MAB21L3: variants seen among roughly 807,000 people sequenced by gnomAD.
The protein encoded by MAB21L3 is mab-21 like 3.
In MAB21L3, 36 loss-of-function variants were observed where a neutral mutation model predicts 37.7. That is an observed-to-expected ratio of 0.96 (90% CI 0.73 to 1.26). The LOEUF (loss-of-function observed/expected upper bound fraction) is 1.26. Ranked by LOEUF, MAB21L3 falls within the 50% of genes most tolerant of loss-of-function variation. The pLI is 0.00. For missense variants in MAB21L3, 430 were observed against 447.3 expected (o/e 0.96, Z 0.35); for synonymous variants, 186 against 176.8 (o/e 1.05, Z -0.41).
chr1:116,133,217 A>C lies in MAB21L3; in HGVS notation c.941A>C (p.Lys314Thr), dbSNP rs752826660. Residue 314 changes from lysine to threonine, a missense_variant, in exon 8 of 8, where the codon AAA (lysine) becomes ACA (threonine). By Grantham distance (78) the Lys-to-Thr change is moderately conservative. Coordinates refer to ENST00000369500, the MANE Select transcript of MAB21L3 (RefSeq NM_152367.3). ...FSKAFLRLVRKLHKCVSQHFL... is the reference protein window; with the variant it reads ...FSKAFLRLVRTLHKCVSQHFL... ...AAAGCATTTCTGCGCCTGGTGAGGA[A>C]ACTGCACAAGTGCGTGAGCCAGCAC... 6.2e-7 allele frequency: 1 copy of C among 1,614,224 alleles called. No individual in the cohort carries two copies. The highest frequency in any genetic ancestry group is 1.1e-5 in the South Asian group (1 of 91,086).
At chr1:116,119,495 TG>T (rs1274596017) in intron 3 of MAB21L3, among the ~76,000 whole-genome samples, 25 of 152,292 alleles carry the variant, frequency 1.6e-4, no homozygotes, top group African/African-American at 6.0e-4. Flanking sequence ...CTGGCTGTCG[TG>T]ATCAGTTTAT....
At chr1:116,116,134 C>T (rs1659580799) in intron 3 of MAB21L3, among the ~76,000 whole-genome samples, 1 of 152,170 alleles carries the variant, frequency 6.6e-6, no homozygotes, top group African/African-American at 2.4e-5. Flanking sequence ...CTGAAATGAA[C>T]TTCTTGCTGT....
At chr1:116,117,147 A>G (rs185061467) in intron 3 of MAB21L3, among the ~76,000 whole-genome samples, 134 of 136,432 alleles carry the variant, frequency 9.8e-4, no homozygotes, top group African/African-American at 3.6e-3. Flanking sequence ...TAACTCAGGA[A>G]TCAAAATATA....
intron 3 of MAB21L3, among the ~76,000 whole-genome samples, chr1:116,113,374 A>T (rs1414340625): frequency 6.6e-6 from 1 of 152,250 alleles, no homozygotes; most frequent in Non-Finnish European, 1.5e-5. Context: ...AGGCAAAACC[A>T]TTAAGAGAGA....
chr1:116,122,608 C>T lies in MAB21L3; in HGVS notation c.190-1458C>T, dbSNP rs756360857. ...TAGGGTCTCATTCTGTCACCCAGGCCGGAGTGCAGTGCTGCGATCATGGCT... is the reference window on the plus strand; with the variant it reads ...TAGGGTCTCATTCTGTCACCCAGGCTGGAGTGCAGTGCTGCGATCATGGCT... On this transcript the variant is annotated intron_variant, in intron 4 of 7. Coordinates refer to ENST00000369500, the MANE Select transcript of MAB21L3 (RefSeq NM_152367.3). Among the ~76,000 whole-genome samples the T allele has an allele frequency of 1.1e-4, 16 of 152,262 alleles. No homozygotes were observed. In the South Asian group the frequency reaches 1.7e-3, roughly 16 times the overall value.
chr1:116,132,864 A>T (rs1660108590), intron 7 of MAB21L3, among the ~76,000 whole-genome samples: 1 of 152,054 alleles, frequency 6.6e-6, no homozygotes, highest in South Asian at 2.1e-4. Flanking sequence ...TTTCCCCGTA[A>T]AGTAGGAGGC....
intron 3 of MAB21L3, among the ~76,000 whole-genome samples, chr1:116,118,229 A>G (rs1431188473): frequency 1.3e-5 from 2 of 152,050 alleles, no homozygotes; most frequent in South Asian, 2.1e-4. Flanking sequence ...TAAAAATACA[A>G]AAATTAGCCA....
chr1:116,118,855 C>A (rs1659661676), intron 3 of MAB21L3, among the ~76,000 whole-genome samples: 1 of 152,194 alleles, frequency 6.6e-6, no homozygotes, highest in African/African-American at 2.4e-5. Flanking sequence ...TCCAGAAAGG[C>A]CTCCCAACCT....
At chr1:116,119,400 A>G (rs1356075690) in intron 3 of MAB21L3, among the ~76,000 whole-genome samples, 1 of 147,138 alleles carries the variant, frequency 6.8e-6, no homozygotes, top group Non-Finnish European at 1.5e-5. Flanking sequence ...GTTGATGAGA[A>G]GTATGAGTGA....
rs1172595667 is a variant in MAB21L3 at position 116,121,068 on chromosome 1, TTAAGG to T, written c.189+1_189+5del. The T allele has an allele frequency of 5.6e-6, 9 of 1,613,006 alleles. No homozygotes were observed. Among genetic ancestry groups the T allele is most frequent in the Non-Finnish European group, 7.6e-6 (9 of 1,179,552 alleles). ...TACTCTGACACGTACAATGAAAATA[TTAAGG>T]TAAGCAAGTCTTGCTGTCTCTAAGT... On this transcript the variant is annotated splice_donor_variant and coding_sequence_variant, in exon 4 of 8. Transcript: ENST00000369500. LOFTEE classifies it high-confidence loss of function.
At chr1:116,115,705 A>C (rs1659570159) in intron 3 of MAB21L3, among the ~76,000 whole-genome samples, 2 of 152,236 alleles carry the variant, frequency 1.3e-5, no homozygotes, top group South Asian at 2.1e-4. Context: ...ATATTATTAT[A>C]GGGGATAACC....
At chr1:116,113,886 C>A (rs972256022) in intron 3 of MAB21L3, among the ~76,000 whole-genome samples, 25 of 152,098 alleles carry the variant, frequency 1.6e-4, no homozygotes, top group Admixed American at 9.2e-4. Flanking sequence ...TGCTCCTGGT[C>A]CCCGCTGCCT....
At chr1:116,125,828 T>C (rs2101615899) in intron 5 of MAB21L3, among the ~76,000 whole-genome samples, 1 of 145,966 alleles carries the variant, frequency 6.9e-6, no homozygotes, top group East Asian at 1.9e-4. Context: ...ACTTCTGAAG[T>C]TCACACACCT....
At chr1:116,115,950 G>A (rs1659575185) in intron 3 of MAB21L3, among the ~76,000 whole-genome samples, 1 of 152,134 alleles carries the variant, frequency 6.6e-6, no homozygotes, top group South Asian at 2.1e-4. Context: ...TGGTGACAAG[G>A]TTGCCTCAAG....
chr1:116,120,844 C>T, intron 3 of MAB21L3, 88 bp from the exon 4 acceptor site: 1 of 1,528,014 alleles, frequency 6.5e-7, no homozygotes, highest in East Asian at 2.3e-5. Context: ...TCACCCCTTG[C>T]TGTACCCTTG....
At chr1:116,125,837 C>T (rs1033358789) in intron 5 of MAB21L3, among the ~76,000 whole-genome samples, 1 of 150,716 alleles carries the variant, frequency 6.6e-6, no homozygotes, top group Non-Finnish European at 1.5e-5. Flanking sequence ...GTTCACACAC[C>T]TCATAAGCAG....
chr1:116,114,886 G>A (rs1212205563), intron 3 of MAB21L3, among the ~76,000 whole-genome samples: 1 of 152,212 alleles, frequency 6.6e-6, no homozygotes, highest in Non-Finnish European at 1.5e-5. Flanking sequence ...CAAAGCCTTG[G>A]AGGAAGTGTA....
intron 7 of MAB21L3, among the ~76,000 whole-genome samples, chr1:116,131,982 C>T (rs1289045325): frequency 2.0e-5 from 3 of 152,028 alleles, no homozygotes; most frequent in Admixed American, 6.6e-5. Flanking sequence ...GGGAGAAGGG[C>T]GACTCCTAGG....
At chr1:116,128,485 C>T (rs1659973990) in intron 7 of MAB21L3, 146 bp downstream of exon 7, 1 of 718,516 alleles carries the variant, frequency 1.4e-6, no homozygotes. Context: ...TCTATATTTG[C>T]CATCCAACAA....
Sources: allele counts gnomAD v4.1 joint callset (sites outside exome capture counted in the v4.1 genomes callset), GRCh38; gene constraint gnomAD v4.1.1; transcripts MANE v1.5; gene names NCBI Gene and HGNC (gene_info 2026-07-23, HGNC 2026-07-21).